CYGB: variants seen among roughly 807,000 people sequenced by gnomAD.
CYGB encodes the protein cytoglobin.
A neutral mutation model predicts 20.7 loss-of-function variants in CYGB; 13 were observed. The observed-to-expected ratio is 0.63, with a 90% CI of 0.41 to 1.00. The LOEUF (loss-of-function observed/expected upper bound fraction) is 1.00. CYGB is among the 50% of genes least tolerant of loss of function. The probability of loss-of-function intolerance (pLI) is 0.00; values close to 1 mark genes in which losing one functional copy is unlikely to be tolerated. For synonymous variants in CYGB, 93 were observed against 107.4 expected, an observed-to-expected ratio of 0.87 and a Z score of 0.83; for missense variants, 218 against 257.2, an observed-to-expected ratio of 0.85 and a Z score of 1.04.
upstream of CYGB, among the ~76,000 whole-genome samples, chr17:76,539,124 G>C (rs190196012): frequency 1.3e-5 from 2 of 152,168 alleles, no homozygotes; most frequent in East Asian, 3.9e-4. Flanking sequence ...GTCTTGGAGG[G>C]GCTGGAGGGG....
In CYGB at chr17:76,533,259, G is replaced by A. The variant is rs942137283; in HGVS notation, c.144-1568C>T. Among the ~76,000 whole-genome samples, 4 of 152,208 alleles carry A rather than the reference G, an allele frequency of 2.6e-5. No individual in the cohort carries two copies. The highest frequency in any genetic ancestry group is 9.7e-5 in the African/African-American group (4 of 41,450). On this transcript the variant is annotated intron_variant, in intron 1 of 3. Coordinates refer to ENST00000293230, the MANE Select transcript of CYGB (RefSeq NM_134268.5). This position sits in a 1 kb window ranked among gnomAD's most constrained non-coding sequence, Gnocchi z 4.5. ...CTCCCTGTTTGCAGAAGGGCAAGAG[G>A]AGGGCCCCCGCTCACTGCTTCATGG...
Position 76,537,422 on chromosome 17 carries a change from C to A in CYGB, c.121G>T (p.Val41Leu). The change falls in exon 1 of 4, where the codon GTG (valine) becomes TTG (leucine). Residue 41 changes from valine (V) to leucine (L), a missense_variant. Physicochemically the swap from Val to Leu is conservative, Grantham distance 32. Around this residue, in one of 2 missense-constraint regions of CYGB, gnomAD observed 152 missense variants for 149.9 expected, o/e 1.01. Coordinates refer to ENST00000293230, the MANE Select transcript of CYGB (RefSeq NM_134268.5). ...WARLYANCEDVGVAILVRFFV... is the reference protein window; with the variant it reads ...WARLYANCEDLGVAILVRFFV... ...TACCTCACCAGGATGGCCACCCCCA[C>A]GTCCTCGCAGTTGGCATAGAGCCGG... The A allele has an allele frequency of 6.3e-7, 1 of 1,598,014 alleles. No homozygotes were observed. Among genetic ancestry groups the A allele is most frequent in the Non-Finnish European group, 8.5e-7 (1 of 1,172,620 alleles).
At position 76,528,987 on chromosome 17, in the gene CYGB, G is replaced by A. The variant is rs2074799208; in HGVS notation, c.540-376C>T. ...TCCGGCCTGTCTCGTCCCTCCTCGGGCCACCCATCTGTATTCTCGTATTCT... is the reference window on the plus strand; with the variant it reads ...TCCGGCCTGTCTCGTCCCTCCTCGGACCACCCATCTGTATTCTCGTATTCT... On this transcript the variant is annotated intron_variant, in intron 3 of 3. Transcript: ENST00000293230. This position sits in a 1 kb window ranked among gnomAD's most constrained non-coding sequence, Gnocchi z 5.8. The A allele has an allele frequency of 9.9e-7, 1 of 1,014,838 alleles. No homozygotes were observed. The highest frequency in any genetic ancestry group is 1.2e-6 in the Non-Finnish European group (1 of 849,808). 62.9% of individuals were successfully genotyped at this position (1,014,838 alleles called of 1,614,324 possible).
chr17:76,547,324 G>A (rs1453661108), intron 1 of CYGB: 6 of 152,590 alleles, frequency 3.9e-5, no homozygotes, highest in Admixed American at 6.5e-5. Flanking sequence ...AGGGCCCTGG[G>A]GAGAGGACAG....
At chr17:76,534,180 C>CTCT (rs2074888782) in intron 1 of CYGB, among the ~76,000 whole-genome samples, 1 of 140,124 alleles carries the variant, frequency 7.1e-6, no homozygotes, top group Non-Finnish European at 1.5e-5. Context: ...CTCTCTCTTT[C>CTCT]TTTCTTTCTT....
chr17:76,538,853 G>A (rs2074954206), upstream of CYGB, among the ~76,000 whole-genome samples: 1 of 152,264 alleles, frequency 6.6e-6, no homozygotes, highest in Non-Finnish European at 1.5e-5. Flanking sequence ...GGCGACCCCT[G>A]TCCTCGCTCA....
In CYGB at chr17:76,528,823, A is replaced by C; in HGVS notation, c.540-212T>G. The C allele has an allele frequency of 8.7e-7, 1 of 1,146,904 alleles. No homozygotes were observed. Among genetic ancestry groups the C allele is most frequent in the Non-Finnish European group, 1.1e-6 (1 of 909,050 alleles). 71.0% of individuals were successfully genotyped at this position (1,146,904 alleles called of 1,614,324 possible). On this transcript the variant is annotated intron_variant, in intron 3 of 3. Coordinates refer to ENST00000293230, the MANE Select transcript of CYGB (RefSeq NM_134268.5). This position sits in a 1 kb window ranked among gnomAD's most constrained non-coding sequence, Gnocchi z 5.8. ...TCAGGCAAGTCTACTGGCCCATGGG[A>C]GCTCCGGATCTTTTTCTCTAAAATG...
rs533594657 is a variant in CYGB, at chr17:76,528,561, G to T, written c.*17C>A. Reference sequence around the variant, plus strand: ...CTGCTCGAGGTGCTGCCAGGGAGGGGGGTGGAGTTAGGGGTCCTACGGCCC... The same window carrying T: ...CTGCTCGAGGTGCTGCCAGGGAGGGTGGTGGAGTTAGGGGTCCTACGGCCC... On this transcript the variant is annotated 3_prime_UTR_variant, in exon 4 of 4. Coordinates refer to ENST00000293230, the MANE Select transcript of CYGB (RefSeq NM_134268.5). The surrounding 1 kb of genome is among the most constrained non-coding windows in gnomAD (Gnocchi z 5.8). 4 of 1,291,302 alleles carry T rather than the reference G, an allele frequency of 3.1e-6. 1 individual carries two copies. In the South Asian group the frequency reaches 1.2e-4, roughly 38 times the overall value. 80.0% of individuals were successfully genotyped at this position (1,291,302 alleles called of 1,614,324 possible). A position where few individuals can be genotyped will look rare whatever the true frequency, so the allele number is the denominator to read the frequency against.
intron 1 of CYGB, among the ~76,000 whole-genome samples, chr17:76,534,147 T>TCTCTCC (rs2074886721): frequency 1.1e-3 from 5 of 4,684 alleles, no homozygotes; most frequent in Admixed American, 5.2e-3. Context: ...TCTTTCTCTT[T>TCTCTCC]CTCTCTCTCT....
chr17:76,537,329 C>G, intron 1 of CYGB, 71 bp downstream of exon 1: 1 of 1,457,006 alleles, frequency 6.9e-7, no homozygotes. Context: ...GGACCCGGGC[C>G]CAGCCCTCCT....
At chr17:76,543,505 C>T (rs1272438865) in intron 1 of CYGB, 6 of 346,588 alleles carry the variant, frequency 1.7e-5, no homozygotes, top group Non-Finnish European at 3.4e-5. Context: ...TGTTATTATC[C>T]ACAATTTCTA....
At chr17:76,538,761 T>C (rs1256425024), upstream of CYGB, among the ~76,000 whole-genome samples, 1 of 152,202 alleles carries the variant, frequency 6.6e-6, no homozygotes, top group Non-Finnish European at 1.5e-5. Context: ...GTGCCTGCCC[T>C]GCAGCGGCTG....
At chr17:76,540,493 TG>T, upstream of CYGB, 1 of 1,613,138 alleles carries the variant, frequency 6.2e-7, no homozygotes, top group Non-Finnish European at 8.5e-7. The surrounding 1 kb of genome is among the most constrained non-coding windows in gnomAD (Gnocchi z 5.0). Context: ...TCCCTACTCT[TG>T]CCTCCCACAG....
rs1025872809 is a variant in CYGB at position 76,529,076 on chromosome 17, G to A, written c.540-465C>T. On this transcript the variant is annotated intron_variant, in intron 3 of 3. Coordinates refer to ENST00000293230, the MANE Select transcript of CYGB (RefSeq NM_134268.5). ...CCCCACCCCCCACCCACGCAAAGGC[G>A]CACACCCTGGAGCAGAGACGGCTCA... The A allele has an allele frequency of 2.7e-5, 25 of 909,170 alleles. No homozygotes were observed. The Admixed American group carries it at 4.7e-4, about 17-fold the overall frequency. The allele number at this position is 909,170 out of a possible 1,614,324, so 56.3% of individuals were successfully genotyped here.
intron 1 of CYGB, chr17:76,544,621 C>G: frequency 2.2e-6 from 1 of 456,804 alleles, no homozygotes. Context: ...GATCGCCTGT[C>G]TCAGCTCCTG....
intron 1 of CYGB, chr17:76,544,356 G>A (rs1408114099): frequency 4.4e-6 from 2 of 454,778 alleles, no homozygotes; most frequent in Admixed American, 4.7e-5. Context: ...CCTCTGAAGG[G>A]AAGGAAGGGA....
chr17:76,538,424 C>A (rs543366924), upstream of CYGB: 2 of 446,564 alleles, frequency 4.5e-6, no homozygotes, highest in African/African-American at 4.1e-5. Flanking sequence ...CCCTCTCCTT[C>A]CGCCCAGCAC....
chr17:76,542,094 G>T (rs2074998480), upstream of CYGB, among the ~76,000 whole-genome samples: 1 of 152,198 alleles, frequency 6.6e-6, no homozygotes, highest in African/African-American at 2.4e-5. Flanking sequence ...GGGACAGGGA[G>T]ATTTAGGTGG....
chr17:76,540,400 G>A, upstream of CYGB: 1 of 1,374,968 alleles, frequency 7.3e-7, no homozygotes, highest in South Asian at 1.2e-5. The surrounding 1 kb of genome is among the most constrained non-coding windows in gnomAD (Gnocchi z 5.0). Context: ...AAAGGCTCTA[G>A]TTGCAGCCTC....
Sources: gnomAD v4.1 joint callset for allele counts (sites outside exome capture counted in the v4.1 genomes callset) on GRCh38, gnomAD v4.1.1 for gene constraint, gnomAD v4.1.1 regional missense constraint, Gnocchi (gnomAD v3.1) non-coding constraint, MANE v1.5 for transcripts, NCBI Gene and HGNC (gene_info 2026-07-23, HGNC 2026-07-21) for gene names.